CTNND2: variants seen among roughly 807,000 people sequenced by gnomAD.
CTNND2 encodes catenin delta 2.
A neutral mutation model predicts 144.4 loss-of-function variants in CTNND2; 22 were observed. That is an observed-to-expected ratio of 0.15 (90% CI 0.11 to 0.22). CTNND2 has a LOEUF of 0.22. CTNND2 is among the 10% of genes least tolerant of loss of function. The pLI, the probability that CTNND2 is intolerant of heterozygous loss-of-function variation, is 1.00. For missense variants in CTNND2, 1,353 were observed against 1,618.8 expected (o/e 0.84, Z 2.82); for synonymous variants, 751 against 695.6 (o/e 1.08, Z -1.25).
intron 9 of CTNND2, among the ~76,000 whole-genome samples, chr5:11,257,967 G>A (rs182396746): frequency 5.3e-5 from 8 of 152,226 alleles, no homozygotes; most frequent in African/African-American, 1.4e-4. Flanking sequence ...CTCTTCCATC[G>A]GGGAATAGAG....
rs186358911 is a variant in CTNND2, at chr5:11,021,265, G to C, written c.2999+1504C>G. On this transcript the variant is annotated intron_variant, in intron 17 of 21. Transcript: ENST00000304623. Reference sequence around the variant, plus strand: ...AACCACTCCTCAAAGCTCTCTAACTGTATAATTCAGAGAAAATACTTTAAT... The same window carrying C: ...AACCACTCCTCAAAGCTCTCTAACTCTATAATTCAGAGAAAATACTTTAAT... Among the ~76,000 whole-genome samples the C allele has an allele frequency of 2.8e-3, 433 of 152,244 alleles. 3 individuals carry two copies. Among genetic ancestry groups the C allele is most frequent in the African/African-American group, 9.7e-3 (402 of 41,544 alleles).
intron 11 of CTNND2, among the ~76,000 whole-genome samples, chr5:11,180,204 G>A (rs1057399350): frequency 6.6e-6 from 1 of 152,108 alleles, no homozygotes; most frequent in African/African-American, 2.4e-5. Flanking sequence ...TGGTTTTAAA[G>A]TGGGGCACTT....
At chr5:11,305,409 AG>A (rs1750087826) in intron 9 of CTNND2, among the ~76,000 whole-genome samples, 1 of 152,158 alleles carries the variant, frequency 6.6e-6, no homozygotes, top group Non-Finnish European at 1.5e-5. Context: ...TGCAGCTTTC[AG>A]GCCAATACTG....
chr5:11,676,524 A>T (rs1322131824), intron 2 of CTNND2, among the ~76,000 whole-genome samples: 2 of 152,002 alleles, frequency 1.3e-5, no homozygotes, highest in African/African-American at 4.8e-5. Context: ...AAATCTCTGA[A>T]GTTTAAGAAC....
intron 2 of CTNND2, among the ~76,000 whole-genome samples, chr5:11,621,038 A>AT (rs1404731135): frequency 2.0e-5 from 3 of 152,188 alleles, no homozygotes; most frequent in Non-Finnish European, 4.4e-5. Flanking sequence ...TTACTCAGCC[A>AT]TTCTCAGGAG....
At chr5:11,700,928 G>C (rs1785404760) in intron 2 of CTNND2, among the ~76,000 whole-genome samples, 1 of 152,188 alleles carries the variant, frequency 6.6e-6, no homozygotes, top group Non-Finnish European at 1.5e-5. Context: ...AGTTGGTGAA[G>C]ACAGAACCCG....
At chr5:11,823,732 T>C (rs1402762325) in intron 1 of CTNND2, among the ~76,000 whole-genome samples, 1 of 152,180 alleles carries the variant, frequency 6.6e-6, no homozygotes, top group Non-Finnish European at 1.5e-5. Context: ...TATCATATTG[T>C]ACAGTAGTAC....
chr5:11,032,528 A>G (rs1040740409), intron 16 of CTNND2, among the ~76,000 whole-genome samples: 1 of 152,178 alleles, frequency 6.6e-6, no homozygotes, highest in South Asian at 2.1e-4. Context: ...TCAAAATGGT[A>G]TTGCTTAGTT....
At chr5:11,723,694 C>T (rs1581778404) in intron 2 of CTNND2, among the ~76,000 whole-genome samples, 1 of 152,152 alleles carries the variant, frequency 6.6e-6, no homozygotes, top group East Asian at 1.9e-4. Flanking sequence ...GAGCTGGTGA[C>T]CCAACAGTAA....
chr5:11,434,155 C>G (rs537445815), intron 3 of CTNND2, among the ~76,000 whole-genome samples: 13 of 152,310 alleles, frequency 8.5e-5, no homozygotes, highest in Middle Eastern at 3.4e-3. Flanking sequence ...CAGGATGGAA[C>G]TGCCAATACA....
intron 2 of CTNND2, among the ~76,000 whole-genome samples, chr5:11,660,498 T>C (rs1783140583): frequency 6.6e-6 from 1 of 152,116 alleles, no homozygotes; most frequent in Non-Finnish European, 1.5e-5. Context: ...GACCAGTAGA[T>C]GCCTAAAAAT....
intron 2 of CTNND2, among the ~76,000 whole-genome samples, chr5:11,593,827 A>G (rs944899433): frequency 1.3e-5 from 2 of 152,148 alleles, no homozygotes; most frequent in South Asian, 4.1e-4. Context: ...TACGACAATC[A>G]ACTTCACTAC....
At chr5:11,759,129 T>C (rs1414971061) in intron 1 of CTNND2, among the ~76,000 whole-genome samples, 2 of 152,074 alleles carry the variant, frequency 1.3e-5, no homozygotes, top group Non-Finnish European at 2.9e-5. Flanking sequence ...TATTTTAGCA[T>C]GATTGGTCTT....
At position 11,840,876 on chromosome 5, in the gene CTNND2, G is replaced by A. The variant is rs186461701; in HGVS notation, c.37+62941C>T. On this transcript the variant is annotated intron_variant, in intron 1 of 21. Coordinates refer to ENST00000304623, the MANE Select transcript of CTNND2 (RefSeq NM_001332.4). ...TAATTTGGAAACTCCACTTTTTAACGGGCATATCTACCCTATCAGGCAGCC... is the reference window on the plus strand; with the variant it reads ...TAATTTGGAAACTCCACTTTTTAACAGGCATATCTACCCTATCAGGCAGCC... 2.6e-5 allele frequency among the ~76,000 whole-genome samples: 4 copies of A among 152,172 alleles called. 1 individual carries two copies. The highest frequency in any genetic ancestry group is 4.4e-5 in the Non-Finnish European group (3 of 67,990).
At position 11,451,003 on chromosome 5, in the gene CTNND2, T is replaced by C. The variant is rs115255046; in HGVS notation, c.288-38934A>G. ...AATATGTTCAATCATTTATCAATTA[T>C]AGAGTGAATTTGGTTTAGGCAACCT... On this transcript the variant is annotated intron_variant, in intron 3 of 21. Transcript: ENST00000304623. Among the ~76,000 whole-genome samples the C allele has an allele frequency of 4.5e-3, 689 of 151,698 alleles. 5 individuals are homozygous for C. The highest frequency in any genetic ancestry group is 0.028 in the Middle Eastern group (8 of 288).
intron 3 of CTNND2, among the ~76,000 whole-genome samples, chr5:11,507,676 A>G (rs773073278): frequency 6.6e-5 from 10 of 152,148 alleles, no homozygotes; most frequent in Non-Finnish European, 1.3e-4. Flanking sequence ...TCAGCTTTTA[A>G]TGATCTGTGC....
chr5:11,006,105 G>GT (rs933164971), intron 18 of CTNND2, among the ~76,000 whole-genome samples: 23 of 152,258 alleles, frequency 1.5e-4, no homozygotes, highest in African/African-American at 5.5e-4. Flanking sequence ...ACATTAGCAG[G>GT]TATAGGGTCC....
intron 1 of CTNND2, among the ~76,000 whole-genome samples, chr5:11,775,060 G>A (rs1398646053): frequency 1.3e-5 from 2 of 152,102 alleles, no homozygotes; most frequent in African/African-American, 4.8e-5. Context: ...GGGCGGGGGG[G>A]CGGTGCGGGC....
chr5:11,647,527 G>A (rs756794080), intron 2 of CTNND2, among the ~76,000 whole-genome samples: 8 of 151,586 alleles, frequency 5.3e-5, no homozygotes, highest in East Asian at 2.0e-4. Flanking sequence ...AGTGCCCCCC[G>A]CAAGCCCCTT....
Sources: gnomAD v4.1 joint callset for allele counts (sites outside exome capture counted in the v4.1 genomes callset) on GRCh38, gnomAD v4.1.1 for gene constraint, MANE v1.5 for transcripts, NCBI Gene and HGNC (gene_info 2026-07-23, HGNC 2026-07-21) for gene names.